The following PNMT variants were observed in gnomAD, a reference collection of about 807,000 sequenced individuals.
PNMT encodes noradrenaline N-methyltransferase.
Under a neutral mutation model 18.9 loss-of-function variants are expected in PNMT, and 18 were observed. That is an observed-to-expected ratio of 0.95 (90% CI 0.66 to 1.41). The LOEUF is 1.41. Ranked by LOEUF, PNMT falls within the 40% of genes most tolerant of loss-of-function variation. The pLI, the probability that PNMT is intolerant of heterozygous loss-of-function variation, is 0.00. For synonymous variants in PNMT, 167 were observed against 168.6 expected (o/e 0.99, Z 0.08); for missense variants, 378 against 387.0 (o/e 0.98, Z 0.20).
chr17:39,670,316 C>T lies in PNMT; in HGVS notation c.776C>T (p.Pro259Leu), dbSNP rs150643373. The T allele has an allele frequency of 2.8e-5, 45 of 1,610,758 alleles. No homozygotes were observed. In the African/African-American group the frequency reaches 5.1e-4, roughly 18 times the overall value. ...KVRDLRTYIMPAHLQTGVDDV... is the reference protein window; with the variant it reads ...KVRDLRTYIMLAHLQTGVDDV... Reference sequence around the variant, plus strand: ...CGGGACCTCCGCACCTATATCATGCCTGCCCACCTTCAGACAGGCGTAGAT... The same window carrying T: ...CGGGACCTCCGCACCTATATCATGCTTGCCCACCTTCAGACAGGCGTAGAT... Residue 259 changes from proline to leucine, a missense_variant, in exon 3 of 3, where the codon CCT (proline) becomes CTT (leucine). Physicochemically the swap from Pro to Leu is moderately conservative, Grantham distance 98 (BLOSUM62 -3). Transcript: ENST00000269582.
chr17:39,668,291 C>G, upstream of PNMT: 1 of 470,136 alleles, frequency 2.1e-6, no homozygotes, highest in Non-Finnish European at 3.6e-6. Context: ...CACTCACCTC[C>G]GGTGTGTCTG....
Position 39,669,662 on chromosome 17 carries a change from G to A in PNMT, c.236G>A (p.Gly79Asp), listed in dbSNP as rs371769078. The change falls in exon 2 of 3, where the codon GGT becomes GAT. Residue 79 changes from glycine (G) to aspartate (D), a missense_variant. Coordinates refer to ENST00000269582, the MANE Select transcript of PNMT (RefSeq NM_002686.4). The stretch of plus-strand genomic sequence containing the variant: ...TCCGGACGCACCCTCATCGACATTG[G>A]TTCAGGCCCCACCGTGTACCAGCTG... ...EVSGRTLIDI[G>D]SGPTVYQLLS... 2 of 1,613,964 alleles carry A rather than the reference G, an allele frequency of 1.2e-6. No homozygotes were observed. Among genetic ancestry groups the A allele is most frequent in the African/African-American group, 2.7e-5 (2 of 74,880 alleles).
Position 39,668,496 on chromosome 17 carries a change from C to T in PNMT, c.21C>T (p.Ser7=), listed in dbSNP as rs767233934. The change falls in exon 1 of 3, where the codon AGC becomes AGT. Residue 7 remains serine (S), a synonymous_variant. Transcript: ENST00000269582. MSGADR[S]PNAGAAPDSA... ...GCAGCATGAGCGGCGCAGACCGTAG[C>T]CCCAATGCGGGCGCAGCCCCTGACT... 3.3e-6 allele frequency: 5 copies of T among 1,522,946 alleles called. No homozygotes were observed. In the South Asian group the frequency reaches 4.9e-5, roughly 15 times the overall value. 94.3% of individuals were successfully genotyped at this position (1,522,946 alleles called of 1,614,324 possible).
At position 39,668,500 on chromosome 17, in the gene PNMT, A is replaced by C; in HGVS notation, c.25A>C (p.Asn9His). MSGADRSP[N>H]AGAAPDSAPG... The stretch of plus-strand genomic sequence containing the variant: ...CATGAGCGGCGCAGACCGTAGCCCC[A>C]ATGCGGGCGCAGCCCCTGACTCGGC... The change falls in exon 1 of 3, where the codon AAT (asparagine) becomes CAT (histidine). Residue 9 changes from asparagine to histidine, a missense_variant. By Grantham distance (68) the Asn-to-His change is moderately conservative (BLOSUM62 1). Coordinates refer to ENST00000269582, the MANE Select transcript of PNMT (RefSeq NM_002686.4). 1 of 1,525,246 alleles carries C rather than the reference A, an allele frequency of 6.6e-7. No individual in the cohort carries two copies. Among genetic ancestry groups the C allele is most frequent in the Non-Finnish European group, 8.8e-7 (1 of 1,141,902 alleles). The allele number at this position is 1,525,246 out of a possible 1,614,324, so 94.5% of individuals were successfully genotyped here.
chr17:39,669,386 G>A (rs1484294350), intron 1 of PNMT, among the ~76,000 whole-genome samples: 2 of 152,140 alleles, frequency 1.3e-5, no homozygotes, highest in Non-Finnish European at 2.9e-5. Context: ...CGGCCAGTAG[G>A]TATAGTCTTC....
Position 39,669,806 on chromosome 17 carries a change from G to A in PNMT, c.380G>A (p.Ser127Asn), listed in dbSNP as rs2057283190. 2.5e-6 allele frequency: 4 copies of A among 1,613,996 alleles called. No homozygotes were observed. The highest frequency in any genetic ancestry group is 2.5e-6 in the Non-Finnish European group (3 of 1,179,896). The change falls in exon 2 of 3, where the codon AGC (serine) becomes AAC (asparagine). Residue 127 changes from serine (S) to asparagine (N), a missense_variant. Transcript: ENST00000269582. ...GGGGCCTTCAACTGGAGCATGTACA[G>A]CCAACATGCCTGCCTCATTGAGGGC... is the stretch of plus-strand genomic sequence containing the variant. ...EPGAFNWSMY[S>N]QHACLIEGKG...
In PNMT at chr17:39,669,624, C is replaced by A. The variant is rs567522887; in HGVS notation, c.203-5C>A. 2 of 1,613,244 alleles carry A rather than the reference C, an allele frequency of 1.2e-6. No individual in the cohort carries two copies. Among genetic ancestry groups the A allele is most frequent in the African/African-American group, 2.7e-5 (2 of 75,010 alleles). ...ACCAGGACCCTCTTCCTCTGCCCTGCCCAGGTGAAGTGTCCGGACGCACCC... is the reference window on the plus strand; with the variant it reads ...ACCAGGACCCTCTTCCTCTGCCCTGACCAGGTGAAGTGTCCGGACGCACCC... On this transcript the variant is annotated splice_region_variant and splice_polypyrimidine_tract_variant and intron_variant, in intron 1 of 2. Transcript: ENST00000269582.
Position 39,669,850 on chromosome 17 carries a change from G to A in PNMT, c.410+14G>A. 1.2e-6 allele frequency: 2 copies of A among 1,609,320 alleles called. No individual in the cohort carries two copies. The highest frequency in any genetic ancestry group is 1.7e-6 in the Non-Finnish European group (2 of 1,176,442). ...TGAGGGCAAGGGGTAAGGACTGGGG[G>A]GTGAGGGTTGGGGAGGAGGCTTCCC... On this transcript the variant is annotated intron_variant, in intron 2 of 2. Transcript: ENST00000269582.
At position 39,668,686 on chromosome 17, in the gene PNMT, G is replaced by T; in HGVS notation, c.202+9G>T. On this transcript the variant is annotated intron_variant, in intron 1 of 2. Coordinates refer to ENST00000269582, the MANE Select transcript of PNMT (RefSeq NM_002686.4). ...GCAGACCTTCGCCACCGGTGAGCGG[G>T]GGAAACTGAGGCACGAGGGACAAGA... 1 of 1,564,794 alleles carries T rather than the reference G, an allele frequency of 6.4e-7. No individual in the cohort carries two copies.
Position 39,669,578 on chromosome 17 carries a change from G to C in PNMT, c.203-51G>C, listed in dbSNP as rs763211008. 10 of 1,385,192 alleles carry C rather than the reference G, an allele frequency of 7.2e-6. No homozygotes were observed. The Admixed American group carries it at 1.0e-4, about 14-fold the overall frequency. The allele number at this position is 1,385,192 out of a possible 1,614,324, so 85.8% of individuals were successfully genotyped here. On this transcript the variant is annotated intron_variant, in intron 1 of 2. Transcript: ENST00000269582. ...AGGGGAGGGAAGGGTAAGGAGGCAG[G>C]GGCTGCCTGGGCTGGCTGGCACCAG...
rs1567866445 is a variant in PNMT at position 39,668,460 on chromosome 17, GGACCGCGGCGGCAGCATGAGCGGCGCA to G, written c.-10_17del. On this transcript the variant is annotated start_lost and 5_prime_UTR_variant, in exon 1 of 3. Transcript: ENST00000269582. ...CCGCGAGGCGAGCGGGGCACTGGGC[GGACCGCGGCGGCAGCATGAGCGGCGCA>G]GACCGTAGCCCCAATGCGGGCGCAG... is the stretch of plus-strand genomic sequence containing the variant. 1 of 1,392,818 alleles carries G rather than the reference GGACCGCGGCGGCAGCATGAGCGGCGCA, an allele frequency of 7.2e-7. No homozygotes were observed. The highest frequency in any genetic ancestry group is 1.6e-5 in the South Asian group (1 of 63,212). The allele number at this position is 1,392,818 out of a possible 1,614,324, so 86.3% of individuals were successfully genotyped here. A position where few individuals can be genotyped will look rare whatever the true frequency, so the allele number is the denominator to read the frequency against.
chr17:39,669,658 A>C lies in PNMT; in HGVS notation c.232A>C (p.Ile78Leu). The C allele has an allele frequency of 3.1e-6, 5 of 1,614,044 alleles. No individual in the cohort carries two copies. Among genetic ancestry groups the C allele is most frequent in the South Asian group, 1.1e-5 (1 of 91,080 alleles). Residue 78 changes from isoleucine to leucine, a missense_variant, in exon 2 of 3, where the codon ATT (isoleucine) becomes CTT (leucine). Ile to Leu is a conservative substitution (Grantham distance 5, BLOSUM62 2). Transcript: ENST00000269582. The part of the protein sequence containing the change: ...GEVSGRTLID[I>L]GSGPTVYQLL... ...AGTGTCCGGACGCACCCTCATCGAC[A>C]TTGGTTCAGGCCCCACCGTGTACCA...
At chr17:39,668,096 A>C, upstream of PNMT, 34 of 174,586 alleles carry the variant, frequency 1.9e-4, no homozygotes, top group Non-Finnish European at 2.2e-4. Flanking sequence ...GGGCTGGAGA[A>C]GAGAGATGGG....
At position 39,670,347 on chromosome 17, in the gene PNMT, C is replaced by T. The variant is rs896160054; in HGVS notation, c.807C>T (p.Val269=). The change falls in exon 3 of 3, where the codon GTC becomes GTT. Residue 269 remains valine (V), a synonymous_variant. Transcript: ENST00000269582. ...ACCTTCAGACAGGCGTAGATGATGT[C>T]AAGGGCGTCTTCTTCGCCTGGGCTC... is the stretch of plus-strand genomic sequence containing the variant. ...PAHLQTGVDD[V]KGVFFAWAQK... The T allele has an allele frequency of 2.5e-6, 4 of 1,600,128 alleles. No individual in the cohort carries two copies. Among genetic ancestry groups the T allele is most frequent in the Middle Eastern group, 1.7e-4 (1 of 6,020 alleles).
At chr17:39,669,927 C>T in intron 2 of PNMT, 24 bp from the exon 3 acceptor site, 1 of 1,593,284 alleles carries the variant, frequency 6.3e-7, no homozygotes, top group Middle Eastern at 1.7e-4. Flanking sequence ...CAGCCTTGAG[C>T]CCTGCCTTGT....
intron 2 of PNMT, 41 bp from the exon 3 acceptor site, chr17:39,669,910 C>A: frequency 1.3e-6 from 2 of 1,590,402 alleles, no homozygotes; most frequent in Non-Finnish European, 1.7e-6. Flanking sequence ...GAGGCCTGAG[C>A]GTAGAACAGC....
rs1190803814 is a variant in PNMT, at chr17:39,670,439, T to C, written c.*50T>C. 1.4e-6 allele frequency: 2 copies of C among 1,386,698 alleles called. No individual in the cohort carries two copies. Among genetic ancestry groups the C allele is most frequent in the Non-Finnish European group, 1.9e-6 (2 of 1,028,496 alleles). 85.9% of individuals were successfully genotyped at this position (1,386,698 alleles called of 1,614,324 possible). On this transcript the variant is annotated 3_prime_UTR_variant, in exon 3 of 3. Coordinates refer to ENST00000269582, the MANE Select transcript of PNMT (RefSeq NM_002686.4). ...CCCCACCCACCTGGATTCCCTGTTC[T>C]TTGAAGTGGCACCTAATAAAGAAAT... is the stretch of plus-strand genomic sequence containing the variant.
Position 39,669,700 on chromosome 17 carries a change from A to G in PNMT, c.274A>G (p.Ser92Gly), listed in dbSNP as rs2145083081. The G allele has an allele frequency of 6.2e-7, 1 of 1,614,168 alleles. No individual in the cohort carries two copies. Among genetic ancestry groups the G allele is most frequent in the East Asian group, 2.2e-5 (1 of 44,882 alleles). The change falls in exon 2 of 3, where the codon AGC (serine) becomes GGC (glycine). Residue 92 changes from serine (S) to glycine (G), a missense_variant. Physicochemically the swap from Ser to Gly is moderately conservative, Grantham distance 56. Coordinates refer to ENST00000269582, the MANE Select transcript of PNMT (RefSeq NM_002686.4). Reference sequence around the variant, plus strand: ...CGTGTACCAGCTGCTCAGTGCCTGCAGCCACTTTGAGGACATCACCATGAC... The same window carrying G: ...CGTGTACCAGCTGCTCAGTGCCTGCGGCCACTTTGAGGACATCACCATGAC... Reference protein sequence around the residue: ...PTVYQLLSACSHFEDITMTDF... With the variant: ...PTVYQLLSACGHFEDITMTDF...
Position 39,670,064 on chromosome 17 carries a change from C to G in PNMT, c.524C>G (p.Ala175Gly). 1 of 1,607,976 alleles carries G rather than the reference C, an allele frequency of 6.2e-7. No individual in the cohort carries two copies. The highest frequency in any genetic ancestry group is 8.5e-7 in the Non-Finnish European group (1 of 1,179,954). Residue 175 changes from alanine to glycine, a missense_variant, in exon 3 of 3, where the codon GCT becomes GGT. Coordinates refer to ENST00000269582, the MANE Select transcript of PNMT (RefSeq NM_002686.4). The stretch of plus-strand genomic sequence containing the variant: ...GCTGGGAGCCCAGCTCCCCTGCCTG[C>G]TGACGCCCTGGTCTCTGCCTTCTGC... Reference protein sequence around the residue: ...LGAGSPAPLPADALVSAFCLE... With the variant: ...LGAGSPAPLPGDALVSAFCLE...
Sources: allele counts gnomAD v4.1 joint callset (sites outside exome capture counted in the v4.1 genomes callset), GRCh38; gene constraint gnomAD v4.1.1; transcripts MANE v1.5; gene names NCBI Gene and HGNC (gene_info 2026-07-23, HGNC 2026-07-21).